ROR1: variants seen among roughly 807,000 people sequenced by gnomAD.
ROR1 encodes the protein inactive tyrosine-protein kinase transmembrane receptor ROR1.
ROR1 carries 19 observed loss-of-function variants against 78.8 expected under a neutral mutation model. The ratio of observed to expected loss-of-function variants is 0.24; its 90% CI spans 0.17 to 0.35. ROR1 has a LOEUF of 0.35. ROR1 is among the 10% of genes least tolerant of loss of function. The probability of loss-of-function intolerance (pLI) is 1.00; values close to 1 mark genes in which losing one functional copy is unlikely to be tolerated. For missense variants in ROR1, 917 were observed against 1,177.8 expected (o/e 0.78, Z 3.24); for synonymous variants, 386 against 433.6 (o/e 0.89, Z 1.36).
At chr1:64,120,921 T>G (rs1207313468) in intron 4 of ROR1, among the ~76,000 whole-genome samples, 1 of 152,140 alleles carries the variant, frequency 6.6e-6, no homozygotes, top group East Asian at 1.9e-4. Flanking sequence ...AGGGTATCTC[T>G]GTTCCCAGTG....
chr1:64,134,453 G>T (rs1402670265), intron 4 of ROR1, among the ~76,000 whole-genome samples: 1 of 152,112 alleles, frequency 6.6e-6, no homozygotes, highest in African/African-American at 2.4e-5. Flanking sequence ...GTGAATTTGA[G>T]CAAGTTACTT....
At chr1:63,860,383 G>A (rs1379250139) in intron 1 of ROR1, among the ~76,000 whole-genome samples, 1 of 152,034 alleles carries the variant, frequency 6.6e-6, no homozygotes, top group Non-Finnish European at 1.5e-5. Flanking sequence ...AGGCAAACCA[G>A]TTTATGAGAT....
At chr1:64,017,457 A>T (rs1646530269) in intron 2 of ROR1, among the ~76,000 whole-genome samples, 1 of 152,154 alleles carries the variant, frequency 6.6e-6, no homozygotes, top group Non-Finnish European at 1.5e-5. Flanking sequence ...GGGATATGGA[A>T]TTCTATCCGG....
At chr1:64,067,754 C>A (rs1320711654) in intron 4 of ROR1, among the ~76,000 whole-genome samples, 1 of 142,726 alleles carries the variant, frequency 7.0e-6, no homozygotes, top group Admixed American at 7.1e-5. Context: ...GCTCTGTCAC[C>A]GAGGCTAGAG....
intron 1 of ROR1, among the ~76,000 whole-genome samples, chr1:63,894,007 T>C (rs1645420722): frequency 6.6e-6 from 1 of 152,168 alleles, no homozygotes; most frequent in Non-Finnish European, 1.5e-5. Context: ...TATCACTTTA[T>C]AGTTTATTGG....
intron 2 of ROR1, among the ~76,000 whole-genome samples, chr1:64,045,197 A>G (rs1264591216): frequency 6.6e-6 from 1 of 152,184 alleles, no homozygotes; most frequent in Non-Finnish European, 1.5e-5. Context: ...CTGAAAGACT[A>G]TTAAAAACCC....
chr1:63,825,088 C>T (rs1268681826), intron 1 of ROR1, among the ~76,000 whole-genome samples: 1 of 152,158 alleles, frequency 6.6e-6, no homozygotes, highest in East Asian at 1.9e-4. Context: ...TGGTAGGAAT[C>T]TAAAATGGTG....
rs372725702 is a variant in ROR1, at chr1:64,137,387, T to C, written c.501T>C (p.Asp167=). ...SPGYSDEYEE[D]GFCQPYRGIA... ...CTTTCAGAGATGAGTATGAAGAAGATGGATTCTGTCAGCCATACAGAGGGA... is the reference window on the plus strand; with the variant it reads ...CTTTCAGAGATGAGTATGAAGAAGACGGATTCTGTCAGCCATACAGAGGGA... Residue 167 remains aspartate, a synonymous_variant, in exon 5 of 9, where the codon GAT becomes GAC. Coordinates refer to ENST00000371079, the MANE Select transcript of ROR1 (RefSeq NM_005012.4). The C allele has an allele frequency of 9.3e-6, 15 of 1,613,888 alleles. No homozygotes were observed. The African/African-American group carries it at 1.5e-4, about 16-fold the overall frequency.
chr1:64,039,423 T>C (rs532576262), intron 2 of ROR1, among the ~76,000 whole-genome samples: 13 of 152,300 alleles, frequency 8.5e-5, no homozygotes, highest in African/African-American at 2.4e-4. Flanking sequence ...AACTTTTATT[T>C]TGAAAGCCAC....
intron 2 of ROR1, among the ~76,000 whole-genome samples, chr1:64,022,314 G>C (rs1199643073): frequency 6.6e-6 from 1 of 152,166 alleles, no homozygotes; most frequent in Non-Finnish European, 1.5e-5. Flanking sequence ...CAATTAGATA[G>C]AAATGGTGGT....
intron 1 of ROR1, among the ~76,000 whole-genome samples, chr1:63,937,893 C>A (rs1645806131): frequency 6.6e-6 from 1 of 152,094 alleles, no homozygotes; most frequent in Non-Finnish European, 1.5e-5. Flanking sequence ...CCCGTGTAGA[C>A]AGGCATTTAG....
chr1:63,790,627 A>G (rs1442511942), intron 1 of ROR1, among the ~76,000 whole-genome samples: 1 of 152,084 alleles, frequency 6.6e-6, no homozygotes, highest in African/African-American at 2.4e-5. Flanking sequence ...TGTGTTTGAG[A>G]GAAGGTGTGG....
intron 1 of ROR1, among the ~76,000 whole-genome samples, chr1:63,927,302 T>C (rs1645712824): frequency 8.4e-6 from 1 of 119,680 alleles, no homozygotes; most frequent in Non-Finnish European, 1.7e-5. Flanking sequence ...GTTTATATGC[T>C]GGATTACATT....
chr1:64,053,406 T>A (rs1646849102), intron 4 of ROR1, among the ~76,000 whole-genome samples: 2 of 152,158 alleles, frequency 1.3e-5, no homozygotes, highest in Non-Finnish European at 2.9e-5. Context: ...ACATGAAGCT[T>A]TCAGAATGAT....
intron 1 of ROR1, among the ~76,000 whole-genome samples, chr1:63,828,982 A>G (rs1352211240): frequency 2.0e-5 from 3 of 152,284 alleles, no homozygotes; most frequent in Non-Finnish European, 2.9e-5. Flanking sequence ...CCATCATATC[A>G]TCGCCATCTG....
intron 1 of ROR1, among the ~76,000 whole-genome samples, chr1:63,853,053 G>A (rs1418136549): frequency 6.6e-6 from 1 of 152,144 alleles, no homozygotes; most frequent in Admixed American, 6.5e-5. Context: ...ATCATTATCA[G>A]TACCTGGCAT....
At chr1:64,173,114 G>T (rs1650285125) in intron 8 of ROR1, among the ~76,000 whole-genome samples, 1 of 152,194 alleles carries the variant, frequency 6.6e-6, no homozygotes, top group Non-Finnish European at 1.5e-5. Context: ...TGTGGAAATT[G>T]TTCCCCTGAA....
At chr1:63,893,114 C>T (rs1024279442) in intron 1 of ROR1, among the ~76,000 whole-genome samples, 1 of 152,088 alleles carries the variant, frequency 6.6e-6, no homozygotes, top group African/African-American at 2.4e-5. Flanking sequence ...TGTGTTTCTT[C>T]GAGGGGAGAT....
At position 63,774,390 on chromosome 1, in the gene ROR1, C is replaced by T; in HGVS notation, c.-28C>T. On this transcript the variant is annotated 5_prime_UTR_variant, in exon 1 of 9. Transcript: ENST00000371079. This position sits in a 1 kb window ranked among gnomAD's most constrained non-coding sequence, Gnocchi z 5.7. ...GTTCTGCGCGCGGCCTGGGAGCCGCCGCCGCCGCCGCCTCAGCGAGAGGAG... is the reference window on the plus strand; with the variant it reads ...GTTCTGCGCGCGGCCTGGGAGCCGCTGCCGCCGCCGCCTCAGCGAGAGGAG... 2.4e-6 allele frequency: 3 copies of T among 1,250,998 alleles called. No individual in the cohort carries two copies. The highest frequency in any genetic ancestry group is 2.0e-5 in the South Asian group (1 of 49,216). 77.5% of individuals were successfully genotyped at this position (1,250,998 alleles called of 1,614,324 possible).
Sources: gnomAD v4.1 joint callset for allele counts (sites outside exome capture counted in the v4.1 genomes callset) on GRCh38, gnomAD v4.1.1 for gene constraint, Gnocchi (gnomAD v3.1) non-coding constraint, MANE v1.5 for transcripts, NCBI Gene and HGNC (gene_info 2026-07-23, HGNC 2026-07-21) for gene names.